Variants in MITD1 observed in about 807,000 individuals in gnomAD.
The protein encoded by MITD1 is MIT domain-containing protein 1.
Under a neutral mutation model 34.9 loss-of-function variants are expected in MITD1, and 24 were observed. The ratio of observed to expected loss-of-function variants is 0.69; its 90% CI spans 0.50 to 0.97. MITD1 has a LOEUF of 0.97. Ranked by LOEUF, MITD1 falls within the 50% of genes least tolerant of loss-of-function variation. The pLI is 0.00. For missense variants in MITD1, 266 were observed against 294.6 expected, an observed-to-expected ratio of 0.90 and a Z score of 0.71; for synonymous variants, 102 against 101.4, an observed-to-expected ratio of 1.01 and a Z score of -0.04.
At position 99,180,967 on chromosome 2, in the gene MITD1, C is replaced by G. The variant is rs139388108; in HGVS notation, c.15G>C (p.Gly5=). 9.3e-6 allele frequency: 15 copies of G among 1,613,516 alleles called. No individual in the cohort carries two copies. Among genetic ancestry groups the G allele is most frequent in the Admixed American group, 1.7e-5 (1 of 59,894 alleles). ...CTGTGCTCTGCGGGTCCTGCCTCAG[C>G]CCGGACTTCGCCATAATTCTGGAAG... MAKS[G]LRQDPQSTAA... The change falls in exon 1 of 7, where the codon GGG becomes GGC. Residue 5 remains glycine (G), a synonymous_variant. Coordinates refer to ENST00000289359, the MANE Select transcript of MITD1 (RefSeq NM_138798.3).
rs2093858588 is a variant in MITD1 at position 99,171,605 on chromosome 2, T to C, written c.295A>G (p.Thr99Ala). 6.2e-7 allele frequency: 1 copy of C among 1,613,564 alleles called. No homozygotes were observed. The highest frequency in any genetic ancestry group is 1.3e-5 in the African/African-American group (1 of 75,052). Residue 99 changes from threonine to alanine, a missense_variant, in exon 3 of 7, where the codon ACA (threonine) becomes GCA (alanine). Transcript: ENST00000289359. ...HKQIKIEENA[T>A]GFSYESLFRE... ...AAAAGTGACTCATAACTGAAACCTG[T>C]TGCATTCTCTTCTATTTTAATTTGC... is the stretch of plus-strand genomic sequence containing the variant.
rs201441847 is a variant in MITD1, at chr2:99,162,928, G to A, written c.*4-710C>T. On this transcript the variant is annotated intron_variant, in intron 7 of 7. Transcript: ENST00000422537. ...GATCATTGGTTGCCATTGGAAATAC[G>A]TGACAAATTAAATTCAAGTCTTATT... The A allele has an allele frequency of 4.3e-6, 7 of 1,613,558 alleles. No homozygotes were observed. The highest frequency in any genetic ancestry group is 3.3e-5 in the South Asian group (3 of 90,978).
Position 99,180,221 on chromosome 2 carries a change from T to G in MITD1, c.151+610A>C, listed in dbSNP as rs2105234698. Among the ~76,000 whole-genome samples, 3 of 152,322 alleles carry G rather than the reference T, an allele frequency of 2.0e-5. No individual in the cohort carries two copies. The Middle Eastern group carries it at 0.01, about 518-fold the overall frequency. On this transcript the variant is annotated intron_variant, in intron 1 of 6. Transcript: ENST00000289359. ...TTTCTTCTTCTACCGCTACATAATTTTACTTTGGCTTGCTTTAAATGCAAA... is the reference window on the plus strand; with the variant it reads ...TTTCTTCTTCTACCGCTACATAATTGTACTTTGGCTTGCTTTAAATGCAAA...
In MITD1 at chr2:99,169,588, T is replaced by C; in HGVS notation, c.616A>G (p.Lys206Glu). The C allele has an allele frequency of 4.4e-6, 7 of 1,607,852 alleles. No homozygotes were observed. Among genetic ancestry groups the C allele is most frequent in the Non-Finnish European group, 6.0e-6 (7 of 1,174,454 alleles). ...EIRFNNGWMI[K>E]IGRGLDYFKK... Reference sequence around the variant, plus strand: ...AAATAATCAAGTCCCCTTCCAATCTTAATCATCCATCCATTGTTGAACCTG... The same window carrying C: ...AAATAATCAAGTCCCCTTCCAATCTCAATCATCCATCCATTGTTGAACCTG... The change falls in exon 6 of 7, where the codon AAG becomes GAG. Residue 206 changes from lysine to glutamate, a missense_variant. Coordinates refer to ENST00000289359, the MANE Select transcript of MITD1 (RefSeq NM_138798.3).
chr2:99,162,246 G>T (rs757910014), intron 7 of MITD1: 1 of 1,613,524 alleles, frequency 6.2e-7, no homozygotes. Context: ...TATAAAACTG[G>T]CTCGGAGAAG....
chr2:99,167,422 A>G (rs558887531), downstream of MITD1, among the ~76,000 whole-genome samples: 1 of 152,278 alleles, frequency 6.6e-6, no homozygotes, highest in African/African-American at 2.4e-5. Context: ...CTGGTGCTCT[A>G]ATTAGATCTG....
chr2:99,169,532 C>T lies in MITD1; in HGVS notation c.654+18G>A, dbSNP rs755827928. 296 of 1,603,392 alleles carry T rather than the reference C, an allele frequency of 1.8e-4. 2 individuals carry two copies. The highest frequency in any genetic ancestry group is 6.2e-5 in the Non-Finnish European group (72 of 1,170,632). On this transcript the variant is annotated intron_variant, in intron 6 of 6. Coordinates refer to ENST00000289359, the MANE Select transcript of MITD1 (RefSeq NM_138798.3). ...ACAAAAACAGTGCTACACATTTACT[C>T]ATAAGATTATATCCTACCTGTGGTT...
downstream of MITD1, among the ~76,000 whole-genome samples, chr2:99,166,372 TG>T (rs1242425556): frequency 6.6e-6 from 1 of 151,370 alleles, no homozygotes; most frequent in Non-Finnish European, 1.5e-5. Context: ...AAGTGCCCAT[TG>T]AATATGGTAG....
At chr2:99,179,238 A>G (rs988734922) in intron 1 of MITD1, among the ~76,000 whole-genome samples, 3 of 152,178 alleles carry the variant, frequency 2.0e-5, no homozygotes, top group African/African-American at 7.2e-5. Flanking sequence ...CCAAAACTTG[A>G]GCAGTGTTCC....
At chr2:99,176,487 G>C (rs1358666646) in intron 1 of MITD1, among the ~76,000 whole-genome samples, 1 of 151,902 alleles carries the variant, frequency 6.6e-6, no homozygotes, top group Non-Finnish European at 1.5e-5. Context: ...CACCACACCC[G>C]GCTAATTTTT....
At chr2:99,166,897 A>ATATATATATATATATATATATATAT (rs57394148), downstream of MITD1, among the ~76,000 whole-genome samples, 2 of 130,294 alleles carry the variant, frequency 1.5e-5, no homozygotes, top group African/African-American at 2.9e-5. Flanking sequence ...ATATATATAT[A>ATATATATATATATATATATATATAT]AATTTTTCAT....
At position 99,171,541 on chromosome 2, in the gene MITD1, A is replaced by G. The variant is rs749098598; in HGVS notation, c.359T>C (p.Ile120Thr). The G allele has an allele frequency of 4.3e-6, 7 of 1,611,846 alleles. No individual in the cohort carries two copies. Among genetic ancestry groups the G allele is most frequent in the Middle Eastern group, 1.6e-4 (1 of 6,070 alleles). ...YLNETVTEVW[I>T]EDPYIRHTHQ... ...AGTATGTCTAATATAAGGATCTTCT[A>G]TCCAAACTTCTGTAACTGTCTCATT... The change falls in exon 3 of 7, where the codon ATA becomes ACA. Residue 120 changes from isoleucine to threonine, a missense_variant. By Grantham distance (89) the Ile-to-Thr change is moderately conservative. Coordinates refer to ENST00000289359, the MANE Select transcript of MITD1 (RefSeq NM_138798.3).
At chr2:99,163,281 C>T (rs1326683050) in intron 7 of MITD1, 1 of 360,282 alleles carries the variant, frequency 2.8e-6, no homozygotes, top group Non-Finnish European at 5.0e-6. Flanking sequence ...CTTCTGACCT[C>T]TAGGATCCTC....
intron 1 of MITD1, 132 bp from the exon 2 acceptor site, chr2:99,174,148 CA>C: frequency 1.8e-6 from 1 of 567,402 alleles, no homozygotes; most frequent in Non-Finnish European, 3.1e-6. Flanking sequence ...TCCTCAAACA[CA>C]CACAATAAAC....
downstream of MITD1, among the ~76,000 whole-genome samples, chr2:99,167,893 C>T (rs1049193456): frequency 4.6e-5 from 7 of 152,202 alleles, no homozygotes; most frequent in African/African-American, 1.7e-4. Flanking sequence ...GGAAGCCCTT[C>T]CTGGCCTTTT....
chr2:99,170,778 A>G (rs763229018), intron 4 of MITD1, 126 bp from the exon 5 acceptor site: 106 of 483,700 alleles, frequency 2.2e-4, no homozygotes, highest in Non-Finnish European at 3.4e-4. Flanking sequence ...TTCAATGTCT[A>G]TTATCTCAAA....
At chr2:99,165,061 C>CACACACACATATAT (rs370053233), downstream of MITD1, among the ~76,000 whole-genome samples, 9 of 135,192 alleles carry the variant, frequency 6.7e-5, no homozygotes, top group East Asian at 8.6e-4. Context: ...CACACACACA[C>CACACACACATATAT]ATATATATAT....
At chr2:99,171,218 A>G (rs1356714178) in intron 4 of MITD1, 125 bp downstream of exon 4, 1 of 724,484 alleles carries the variant, frequency 1.4e-6, no homozygotes, top group African/African-American at 1.8e-5. Flanking sequence ...ATACTGTTAG[A>G]TAATAAGTTA....
chr2:99,171,395 A>C lies in MITD1; in HGVS notation c.425T>G (p.Ile142Ser). Reference sequence around the variant, plus strand: ...AGTTTTTACTTTACATGGTCTCTTAATAAGCATCTCACAAAATCGAAGAAA... The same window carrying C: ...AGTTTTTACTTTACATGGTCTCTTACTAAGCATCTCACAAAATCGAAGAAA... The part of the protein sequence containing the change: ...YNFLRFCEML[I>S]KRPCKVKTIH... The change falls in exon 4 of 7, where the codon ATT becomes AGT. Residue 142 changes from isoleucine (I) to serine (S), a missense_variant. By Grantham distance (142) the Ile-to-Ser change is moderately radical (BLOSUM62 -2). Coordinates refer to ENST00000289359, the MANE Select transcript of MITD1 (RefSeq NM_138798.3). The C allele has an allele frequency of 6.2e-7, 1 of 1,612,550 alleles. No individual in the cohort carries two copies. The highest frequency in any genetic ancestry group is 8.5e-7 in the Non-Finnish European group (1 of 1,179,506).
Sources: gnomAD v4.1 joint callset for allele counts (sites outside exome capture counted in the v4.1 genomes callset) on GRCh38, gnomAD v4.1.1 for gene constraint, MANE v1.5 for transcripts, NCBI Gene and HGNC (gene_info 2026-07-23, HGNC 2026-07-21) for gene names.